Variants in ADAMTS13 observed in about 807,000 individuals in gnomAD.
ADAMTS13 encodes the protein ADAM metallopeptidase with thrombospondin type 1 motif 13.
In ADAMTS13, 110 loss-of-function variants were observed where a neutral mutation model predicts 155.1. That is an observed-to-expected ratio of 0.71 (90% CI 0.61 to 0.83). The LOEUF (loss-of-function observed/expected upper bound fraction) is 0.83, where lower values mean the gene tolerates loss of function less well. Among genes scored for constraint, ADAMTS13 ranks in the 40% least tolerant of loss-of-function variants. The probability of loss-of-function intolerance (pLI) is 0.00; values close to 1 mark genes in which losing one functional copy is unlikely to be tolerated. For missense variants in ADAMTS13, 1,707 were observed against 1,891.7 expected (o/e 0.90, Z 1.81); for synonymous variants, 758 against 756.4 (o/e 1.00, Z -0.03).
At chr9:133,416,759 T>G (rs1839639929) in intron 1 of ADAMTS13, among the ~76,000 whole-genome samples, 1 of 152,222 alleles carries the variant, frequency 6.6e-6, no homozygotes, top group Non-Finnish European at 1.5e-5. Flanking sequence ...GATGATCTAT[T>G]TAAACTTTTC....
rs940650100 is a variant in ADAMTS13 at position 133,442,758 on chromosome 9, G to A, written c.2234+15G>A. ...TGCCCTCCCTAGTGAGTGTGGTGCT[G>A]TCTGCGCAGCTCCAAGGGGGAGAGA... is the stretch of plus-strand genomic sequence containing the variant. On this transcript the variant is annotated intron_variant, in intron 18 of 28. Transcript: ENST00000355699. The A allele has an allele frequency of 3.1e-6, 5 of 1,611,036 alleles. No homozygotes were observed. The highest frequency in any genetic ancestry group is 3.4e-6 in the Non-Finnish European group (4 of 1,179,616).
At chr9:133,434,040 G>C (rs1416413218) in intron 11 of ADAMTS13, among the ~76,000 whole-genome samples, 1 of 151,852 alleles carries the variant, frequency 6.6e-6, no homozygotes, top group Non-Finnish European at 1.5e-5. Flanking sequence ...AGCTTGCAGT[G>C]AGCCGAGATT....
chr9:133,418,018 C>CA (rs1211686126), upstream of ADAMTS13: 21 of 620,276 alleles, frequency 3.4e-5, no homozygotes, highest in Non-Finnish European at 5.3e-5. Context: ...CATACCTCAG[C>CA]ACGCACGCTC....
At chr9:133,428,807 C>T (rs993062663) in intron 7 of ADAMTS13, 36 bp downstream of exon 7, 15 of 1,261,018 alleles carry the variant, frequency 1.2e-5, no homozygotes, top group Admixed American at 4.2e-5. Flanking sequence ...GCGCGAGCCT[C>T]CAGCCAGCCC....
chr9:133,443,308 T>G (rs1375441994), intron 18 of ADAMTS13, 68 bp from the exon 19 acceptor site: 6 of 1,532,116 alleles, frequency 3.9e-6, no homozygotes, highest in Middle Eastern at 4.4e-4. Context: ...CATCAGCACC[T>G]GCCACCCCAT....
chr9:133,445,337 G>A lies in ADAMTS13; in HGVS notation c.2610+285G>A, dbSNP rs1014239119. Among the ~76,000 whole-genome samples, 17 of 152,176 alleles carry A rather than the reference G, an allele frequency of 1.1e-4. No homozygotes were observed. Among genetic ancestry groups the A allele is most frequent in the Admixed American group, 3.3e-4 (5 of 15,288 alleles). On this transcript the variant is annotated intron_variant, in intron 20 of 28. Coordinates refer to ENST00000355699, the MANE Select transcript of ADAMTS13 (RefSeq NM_139027.6). This position sits in a 1 kb window ranked among gnomAD's most constrained non-coding sequence, Gnocchi z 5.0. ...AAATGCTGCCAGGCTCCCGCCTGGC[G>A]TCCAGGGGCTGGAGGCTGACTGGCC...
In ADAMTS13 at chr9:133,426,335, A is replaced by G; in HGVS notation, c.676A>G (p.Ile226Val). 1 of 1,601,348 alleles carries G rather than the reference A, an allele frequency of 6.2e-7. No individual in the cohort carries two copies. Among genetic ancestry groups the G allele is most frequent in the Non-Finnish European group, 8.5e-7 (1 of 1,179,936 alleles). ...FDLGVTIAHE[I>V]GHSFGLEHDG... The stretch of plus-strand genomic sequence containing the variant: ...CCTGGGAGTCACCATTGCCCATGAG[A>G]TTGGGCACAGGTATGTAGCCCCACC... The change falls in exon 6 of 29, where the codon ATT becomes GTT. Residue 226 changes from isoleucine to valine, a missense_variant. Physicochemically the swap from Ile to Val is conservative, Grantham distance 29. Transcript: ENST00000355699.
upstream of ADAMTS13, chr9:133,422,177 C>T (rs957446850): frequency 3.0e-5 from 17 of 563,430 alleles, no homozygotes; most frequent in Middle Eastern, 4.7e-4. Flanking sequence ...CGTGCACATC[C>T]GGAGAGCTGT....
At position 133,426,230 on chromosome 9, in the gene ADAMTS13, C is replaced by A; in HGVS notation, c.571C>A (p.Gln191Lys). The change falls in exon 6 of 29, where the codon CAG becomes AAG. Residue 191 changes from glutamine (Q) to lysine (K), a missense_variant. Coordinates refer to ENST00000355699, the MANE Select transcript of ADAMTS13 (RefSeq NM_139027.6). Reference sequence around the variant, plus strand: ...CCTGGAGTTGCCTGATGGTAACCGGCAGGTGCGGGGCGTCACCCAGCTGGG... The same window carrying A: ...CCTGGAGTTGCCTGATGGTAACCGGAAGGTGCGGGGCGTCACCCAGCTGGG... ...FDLELPDGNR[Q>K]VRGVTQLGGA... The A allele has an allele frequency of 1.9e-6, 3 of 1,613,664 alleles. No individual in the cohort carries two copies. The highest frequency in any genetic ancestry group is 2.5e-6 in the Non-Finnish European group (3 of 1,179,994).
chr9:133,420,425 T>C (rs1269711766), upstream of ADAMTS13, among the ~76,000 whole-genome samples: 1 of 152,364 alleles, frequency 6.6e-6, no homozygotes, highest in East Asian at 1.9e-4. Context: ...TGCAGCCTTC[T>C]GTACAAAGGT....
chr9:133,422,129 C>T (rs1258928746), upstream of ADAMTS13: 1 of 420,568 alleles, frequency 2.4e-6, no homozygotes, highest in African/African-American at 2.0e-5. Context: ...TGTCCCTTCT[C>T]CAGATTAGAT....
intron 1 of ADAMTS13, among the ~76,000 whole-genome samples, chr9:133,416,332 G>A (rs980675803): frequency 2.6e-5 from 4 of 152,042 alleles, no homozygotes; most frequent in African/African-American, 7.2e-5. Context: ...ACCTCCTATG[G>A]GCCCCATCTC....
intron 16 of ADAMTS13, among the ~76,000 whole-genome samples, chr9:133,442,070 C>G (rs1471882867): frequency 6.6e-6 from 1 of 152,186 alleles, no homozygotes; most frequent in African/African-American, 2.4e-5. Flanking sequence ...CTGTGCTATC[C>G]CCAGAGCCTG....
Position 133,456,007 on chromosome 9 carries a change from C to G in ADAMTS13, c.3401-62C>G. On this transcript the variant is annotated intron_variant, in intron 25 of 28. Coordinates refer to ENST00000355699, the MANE Select transcript of ADAMTS13 (RefSeq NM_139027.6). This position sits in a 1 kb window ranked among gnomAD's most constrained non-coding sequence, Gnocchi z 4.4. ...GTCTCCTTCCTCAGCTTGGAAGCCCCGGAGCCTGCCCTGCTGGGAATCGGG... is the reference window on the plus strand; with the variant it reads ...GTCTCCTTCCTCAGCTTGGAAGCCCGGGAGCCTGCCCTGCTGGGAATCGGG... 1 of 1,609,446 alleles carries G rather than the reference C, an allele frequency of 6.2e-7. No individual in the cohort carries two copies. Among genetic ancestry groups the G allele is most frequent in the South Asian group, 1.1e-5 (1 of 90,972 alleles).
intron 27 of ADAMTS13, among the ~76,000 whole-genome samples, chr9:133,457,244 C>T (rs1014497098): frequency 2.0e-5 from 3 of 152,218 alleles, no homozygotes; most frequent in Non-Finnish European, 4.4e-5. Context: ...CCTCTCCCAA[C>T]AGCCCGAGCT....
At chr9:133,457,723 A>G (rs1842829048) in intron 27 of ADAMTS13, among the ~76,000 whole-genome samples, 187 bp from the exon 28 acceptor site, 1 of 152,242 alleles carries the variant, frequency 6.6e-6, no homozygotes, top group Admixed American at 6.5e-5. Context: ...AGCCCAGAAC[A>G]TTTAGCCTTT....
In ADAMTS13 at chr9:133,437,779, C is replaced by T. The variant is rs782128293; in HGVS notation, c.1466C>T (p.Ala489Val). Residue 489 changes from alanine (A) to valine (V), a missense_variant, in exon 13 of 29, where the codon GCC (alanine) becomes GTC (valine). By Grantham distance (64) the Ala-to-Val change is moderately conservative (BLOSUM62 0). Coordinates refer to ENST00000355699, the MANE Select transcript of ADAMTS13 (RefSeq NM_139027.6). ...GDALCRHMCR[A>V]IGESFIMKRG... ...GCTCTGTGCAGACACATGTGCCGGG[C>T]CATTGGCGAGAGCTTCATCATGAAG... 1.2e-6 allele frequency: 2 copies of T among 1,613,948 alleles called. No homozygotes were observed. The highest frequency in any genetic ancestry group is 1.7e-6 in the Non-Finnish European group (2 of 1,180,036).
chr9:133,445,584 T>A lies in ADAMTS13; in HGVS notation c.2611-115T>A. On this transcript the variant is annotated intron_variant, in intron 20 of 28. Transcript: ENST00000355699. The surrounding 1 kb of genome is among the most constrained non-coding windows in gnomAD (Gnocchi z 5.0). ...CCAAGGGAGGAGGGGAGGGAGCCCC[T>A]GGTGCACACACGCCACTTCCTGGTC... 2 of 1,536,654 alleles carry A rather than the reference T, an allele frequency of 1.3e-6. No individual in the cohort carries two copies. Among genetic ancestry groups the A allele is most frequent in the Non-Finnish European group, 8.9e-7 (1 of 1,120,520 alleles).
rs782463983 is a variant in ADAMTS13, at chr9:133,456,652, C to A, written c.3657C>A (p.Cys1219Ter). The change falls in exon 27 of 29, where the codon TGC becomes TGA. Residue 1219 changes from cysteine to a stop codon, truncating the protein, a stop_gained. Transcript: ENST00000355699. LOFTEE classifies it high-confidence loss of function. The surrounding 1 kb of genome is among the most constrained non-coding windows in gnomAD (Gnocchi z 4.4). ...ACACGCTGGTGGTGAGGCAGCGCTG[C>A]GGGCGGCCAGGAGGTGGGGTGCTGC... ...KTNTLVVRQR[C>*]GRPGGGVLLR... is the part of the protein sequence containing the mutation. 1 of 1,604,616 alleles carries A rather than the reference C, an allele frequency of 6.2e-7. No individual in the cohort carries two copies. The highest frequency in any genetic ancestry group is 8.5e-7 in the Non-Finnish European group (1 of 1,175,702).
Sources: gnomAD v4.1 joint callset for allele counts (sites outside exome capture counted in the v4.1 genomes callset) on GRCh38, gnomAD v4.1.1 for gene constraint, Gnocchi (gnomAD v3.1) non-coding constraint, MANE v1.5 for transcripts, NCBI Gene and HGNC (gene_info 2026-07-23, HGNC 2026-07-21) for gene names.